PPP2R2A: variants seen among roughly 807,000 people sequenced by gnomAD.
PPP2R2A encodes the protein protein phosphatase 2 regulatory subunit Balpha, also known as serine/threonine-protein phosphatase 2A 55 kDa regulatory subunit B alpha isoform.
In PPP2R2A, 9 loss-of-function variants were observed where a neutral mutation model predicts 53.2. That is an observed-to-expected ratio of 0.17 (90% confidence interval 0.10 to 0.30). The LOEUF is 0.30. PPP2R2A is among the 10% of genes least tolerant of loss of function. The pLI is 1.00. For missense variants in PPP2R2A, 235 were observed against 534.6 expected (o/e 0.44, Z 5.53); for synonymous variants, 169 against 174.2 (o/e 0.97, Z 0.23).
intron 2 of PPP2R2A, among the ~76,000 whole-genome samples, chr8:26,322,643 CATG>C (rs758869036): frequency 3.3e-5 from 5 of 151,714 alleles, no homozygotes; most frequent in Non-Finnish European, 7.4e-5. Flanking sequence ...ATCTCAGAAG[CATG>C]ATAAGTCAAC....
At chr8:26,363,562 C>T in intron 7 of PPP2R2A, 159 bp from the exon 8 acceptor site, 1 of 597,080 alleles carries the variant, frequency 1.7e-6, no homozygotes, top group South Asian at 3.9e-5. Context: ...AAGAAGCTTT[C>T]AGGAGAATTC....
intron 3 of PPP2R2A, among the ~76,000 whole-genome samples, chr8:26,349,587 A>G (rs372272872): frequency 2.2e-4 from 33 of 152,356 alleles, no homozygotes; most frequent in African/African-American, 7.5e-4. Flanking sequence ...TGGCTGCAAC[A>G]TATGTGTGGT....
rs1805171118 is a variant in PPP2R2A, at chr8:26,362,660, AT to A, written c.638-22del. On this transcript the variant is annotated intron_variant, in intron 6 of 9. Coordinates refer to ENST00000380737, the MANE Select transcript of PPP2R2A (RefSeq NM_002717.4). The surrounding 1 kb of genome is among the most constrained non-coding windows in gnomAD (Gnocchi z 4.4). ...TATTTGCCCTTTTTTCTAAGTGGAA[AT>A]TCCTTAATAAAATGTTATCTAGACA... The A allele has an allele frequency of 6.2e-7, 1 of 1,605,778 alleles. No individual in the cohort carries two copies. The highest frequency in any genetic ancestry group is 8.5e-7 in the Non-Finnish European group (1 of 1,174,562).
intron 4 of PPP2R2A, among the ~76,000 whole-genome samples, chr8:26,355,116 T>TA (rs1804704817): frequency 6.6e-6 from 1 of 152,216 alleles, no homozygotes; most frequent in African/African-American, 2.4e-5. Flanking sequence ...AAACTGCAGA[T>TA]ACAAAATACT....
Position 26,363,798 on chromosome 8 carries a change from A to T in PPP2R2A, c.880A>T (p.Ser294Cys). The change falls in exon 8 of 10, where the codon AGC (serine) becomes TGC (cysteine). Residue 294 changes from serine to cysteine, a missense_variant. This residue lies in a region of PPP2R2A where 181 missense variants were observed against 409.9 expected (regional missense o/e 0.44). Transcript: ENST00000380737. ...CTCCTCTATTTCGGATGTAAAATTC[A>T]GCCATAGTGGTCGATATATGATGAC... ...IISSISDVKF[S>C]HSGRYMMTRD... The T allele has an allele frequency of 6.2e-7, 1 of 1,609,546 alleles. No homozygotes were observed. Among genetic ancestry groups the T allele is most frequent in the East Asian group, 2.2e-5 (1 of 44,730 alleles).
chr8:26,334,763 AAAAC>A (rs1241290762), intron 2 of PPP2R2A, among the ~76,000 whole-genome samples: 2 of 152,210 alleles, frequency 1.3e-5, no homozygotes, highest in African/African-American at 4.8e-5. Context: ...ACAAAAAACA[AAAAC>A]AAAAAAAGTC....
chr8:26,316,810 G>A (rs1802578785), intron 2 of PPP2R2A, among the ~76,000 whole-genome samples: 1 of 152,096 alleles, frequency 6.6e-6, no homozygotes, highest in Non-Finnish European at 1.5e-5. Context: ...CATTCATGAG[G>A]GCTCCACCCT....
chr8:26,336,258 T>TA (rs1344649942), intron 2 of PPP2R2A, among the ~76,000 whole-genome samples: 2 of 151,748 alleles, frequency 1.3e-5, no homozygotes, highest in African/African-American at 4.8e-5. Flanking sequence ...ACCCTGTCTA[T>TA]AAAAAAATAA....
At chr8:26,357,283 A>C (rs79344136) in intron 4 of PPP2R2A, among the ~76,000 whole-genome samples, 659 of 104,918 alleles carry the variant, frequency 6.3e-3, no homozygotes, top group Middle Eastern at 9.7e-3. Context: ...GCATAGTAAC[A>C]CCCCCCCCCC....
chr8:26,358,963 A>G (rs1288980107), intron 4 of PPP2R2A: 2 of 456,060 alleles, frequency 4.4e-6, no homozygotes, highest in Admixed American at 4.7e-5. Flanking sequence ...AGGGTGAAAG[A>G]GTCATTGTAT....
At chr8:26,327,285 C>T (rs1803139565) in intron 2 of PPP2R2A, among the ~76,000 whole-genome samples, 1 of 152,204 alleles carries the variant, frequency 6.6e-6, no homozygotes, top group Non-Finnish European at 1.5e-5. Flanking sequence ...GGAACATTTG[C>T]CCCTCCATGC....
At chr8:26,314,134 T>A (rs780715540) in intron 2 of PPP2R2A, among the ~76,000 whole-genome samples, 1 of 152,202 alleles carries the variant, frequency 6.6e-6, no homozygotes. Context: ...AAGAATCAGT[T>A]TATGTTCTTC....
rs1805676472 is a variant in PPP2R2A, at chr8:26,371,790, C to T, written c.*1377C>T. Reference sequence around the variant, plus strand: ...TCAAATAAAAATCTGTATATGAATACATTTTCCCTAAGCGGTGATACATTA... The same window carrying T: ...TCAAATAAAAATCTGTATATGAATATATTTTCCCTAAGCGGTGATACATTA... On this transcript the variant is annotated 3_prime_UTR_variant, in exon 10 of 10. Coordinates refer to ENST00000380737, the MANE Select transcript of PPP2R2A (RefSeq NM_002717.4). 2.0e-5 allele frequency: 3 copies of T among 152,172 alleles called. No homozygotes were observed. Among genetic ancestry groups the T allele is most frequent in the Admixed American group, 1.3e-4 (2 of 15,276 alleles). 9.4% of individuals were successfully genotyped at this position (152,172 alleles called of 1,614,324 possible). A position where few individuals can be genotyped will look rare whatever the true frequency, so the allele number is the denominator to read the frequency against.
intron 2 of PPP2R2A, among the ~76,000 whole-genome samples, chr8:26,326,405 A>G (rs1563299377): frequency 2.0e-5 from 3 of 152,182 alleles, no homozygotes; most frequent in South Asian, 4.1e-4. Context: ...ATGTTTTGTA[A>G]CATACCTTAA....
At chr8:26,295,918 C>T (rs1435265574) in intron 2 of PPP2R2A, among the ~76,000 whole-genome samples, 1 of 152,128 alleles carries the variant, frequency 6.6e-6, no homozygotes, top group Non-Finnish European at 1.5e-5. Flanking sequence ...CCCCACCCCC[C>T]TACCTTTAGA....
Position 26,320,228 on chromosome 8 carries a change from C to T in PPP2R2A, c.83-18662C>T, listed in dbSNP as rs1252070939. On this transcript the variant is annotated intron_variant, in intron 2 of 9. Coordinates refer to ENST00000380737, the MANE Select transcript of PPP2R2A (RefSeq NM_002717.4). ...TTATGTGGGTGTCAACTCTCTTGTT[C>T]TCTTGAGTATTCATCAGCAGAAGAC... 2.6e-5 allele frequency among the ~76,000 whole-genome samples: 4 copies of T among 152,138 alleles called. No homozygotes were observed. In the East Asian group the frequency reaches 7.7e-4, roughly 29 times the overall value.
intron 2 of PPP2R2A, among the ~76,000 whole-genome samples, chr8:26,297,411 T>C (rs903650123): frequency 3.3e-5 from 5 of 152,204 alleles, no homozygotes; most frequent in African/African-American, 1.2e-4. Flanking sequence ...CACAAAATTA[T>C]TACTACTGGT....
chr8:26,359,293 C>G (rs1194125927), intron 4 of PPP2R2A, among the ~76,000 whole-genome samples: 2 of 152,172 alleles, frequency 1.3e-5, no homozygotes. Context: ...TGTTTGAATT[C>G]TGGAGCAGAA....
intron 3 of PPP2R2A, among the ~76,000 whole-genome samples, chr8:26,351,689 C>T (rs1804524240): frequency 6.6e-6 from 1 of 152,174 alleles, no homozygotes; most frequent in Admixed American, 6.5e-5. Flanking sequence ...AGTGAAAAGA[C>T]CATCCTTTCC....
Sources: gnomAD v4.1 joint callset for allele counts (sites outside exome capture counted in the v4.1 genomes callset) on GRCh38, gnomAD v4.1.1 for gene constraint, gnomAD v4.1.1 regional missense constraint, Gnocchi (gnomAD v3.1) non-coding constraint, MANE v1.5 for transcripts, NCBI Gene and HGNC (gene_info 2026-07-23, HGNC 2026-07-21) for gene names.